The following USP4 variants were observed in gnomAD, a reference collection of about 807,000 sequenced individuals.
USP4 encodes the protein ubiquitin specific peptidase 4.
Under a neutral mutation model 118.2 loss-of-function variants are expected in USP4, and 72 were observed. That is an observed-to-expected ratio of 0.61 (90% CI 0.50 to 0.74). The LOEUF is 0.74. USP4 is among the 30% of genes least tolerant of loss of function. The probability of loss-of-function intolerance (pLI) is 0.00; values close to 1 mark genes in which losing one functional copy is unlikely to be tolerated. For synonymous variants in USP4, 415 were observed against 440.4 expected, an observed-to-expected ratio of 0.94 and a Z score of 0.72; for missense variants, 1,037 against 1,185.7, an observed-to-expected ratio of 0.87 and a Z score of 1.84.
intron 1 of USP4, among the ~76,000 whole-genome samples, chr3:49,339,605 C>T (rs1470879848): frequency 1.3e-5 from 2 of 152,210 alleles, no homozygotes; most frequent in Non-Finnish European, 2.9e-5. Flanking sequence ...CGCCCAAGGT[C>T]ACACGGCGAG....
chr3:49,331,427 C>A (rs2047616896), intron 2 of USP4, among the ~76,000 whole-genome samples: 1 of 151,668 alleles, frequency 6.6e-6, no homozygotes, highest in African/African-American at 2.4e-5. Context: ...TTGAGACCAG[C>A]CTGGCCAAAA....
intron 11 of USP4, among the ~76,000 whole-genome samples, 165 bp from the exon 12 acceptor site, chr3:49,298,800 A>C (rs954956757): frequency 5.9e-5 from 9 of 152,160 alleles, no homozygotes; most frequent in Non-Finnish European, 1.5e-5. Flanking sequence ...CAGGACCTCT[A>C]TGTCAGCATC....
rs751737921 is a variant in USP4, at chr3:49,280,852, GC to G, written c.2541-6del. 5.0e-6 allele frequency: 8 copies of G among 1,613,188 alleles called. No homozygotes were observed. The highest frequency in any genetic ancestry group is 6.8e-6 in the Non-Finnish European group (8 of 1,179,300). ...AACTCGGACATGTTCAGCCCTCTGA[GC>G]ACAAAACACAAAAATAGTTATTGAA... On this transcript the variant is annotated splice_region_variant and splice_polypyrimidine_tract_variant and intron_variant, in intron 19 of 21. Coordinates refer to ENST00000265560, the MANE Select transcript of USP4 (RefSeq NM_003363.4).
chr3:49,300,202 T>C (rs983779628), intron 11 of USP4, among the ~76,000 whole-genome samples: 1 of 151,160 alleles, frequency 6.6e-6, no homozygotes. Flanking sequence ...GCTGAGATCA[T>C]GCCACTTCAC....
In USP4 at chr3:49,298,540, AC is replaced by A. The variant is rs1215638145; in HGVS notation, c.1596+11del. The A allele has an allele frequency of 6.2e-7, 1 of 1,613,506 alleles. No homozygotes were observed. The highest frequency in any genetic ancestry group is 8.5e-7 in the Non-Finnish European group (1 of 1,179,744). ...CCAAATAGACCGAGTGCCACTGATC[AC>A]CCCGCCTTACATTTTCTGCAGCAAT... On this transcript the variant is annotated intron_variant, in intron 12 of 21. Coordinates refer to ENST00000265560, the MANE Select transcript of USP4 (RefSeq NM_003363.4).
At chr3:49,286,952 C>T (rs1008785768) in intron 15 of USP4, among the ~76,000 whole-genome samples, 4 of 152,082 alleles carry the variant, frequency 2.6e-5, no homozygotes, top group Non-Finnish European at 4.4e-5. Flanking sequence ...CAGGTTCAAG[C>T]GATTCTCCTA....
intron 15 of USP4, among the ~76,000 whole-genome samples, chr3:49,287,875 CAGGTACCATGCT>C (rs2047113597): frequency 6.6e-6 from 1 of 152,136 alleles, no homozygotes; most frequent in Non-Finnish European, 1.5e-5. Flanking sequence ...CTCTTAGGTG[CAGGTACCATGCT>C]AGGTTCCAGG....
intron 2 of USP4, among the ~76,000 whole-genome samples, chr3:49,331,481 A>G (rs1034259063): frequency 6.6e-6 from 1 of 151,686 alleles, no homozygotes; most frequent in African/African-American, 2.4e-5. Context: ...ATTAGCCAGA[A>G]CTGGTGGTGC....
intron 1 of USP4, among the ~76,000 whole-genome samples, chr3:49,339,019 A>C (rs900616847): frequency 2.0e-5 from 3 of 150,544 alleles, no homozygotes; most frequent in African/African-American, 7.3e-5. Context: ...TGGTGGCGTG[A>C]GCCTGTAATC....
intron 20 of USP4, 40 bp from the exon 21 acceptor site, chr3:49,278,942 A>C: frequency 1.4e-6 from 2 of 1,410,912 alleles, no homozygotes; most frequent in Non-Finnish European, 2.0e-6. Flanking sequence ...CGGTCTCCAG[A>C]GAATTAATCT....
chr3:49,328,408 G>A lies in USP4; in HGVS notation c.230-592C>T, dbSNP rs187782551. 1.5e-4 allele frequency among the ~76,000 whole-genome samples: 23 copies of A among 152,130 alleles called. No individual in the cohort carries two copies. In the East Asian group the frequency reaches 3.1e-3, roughly 20 times the overall value. On this transcript the variant is annotated intron_variant, in intron 2 of 21. Coordinates refer to ENST00000265560, the MANE Select transcript of USP4 (RefSeq NM_003363.4). ...GGTTATGGTTTCCCACCATCCCTCCGACTAGTTTACACACCTTTTTCAGGG... is the reference window on the plus strand; with the variant it reads ...GGTTATGGTTTCCCACCATCCCTCCAACTAGTTTACACACCTTTTTCAGGG...
chr3:49,305,929 C>T (rs752807601), intron 8 of USP4, 41 bp from the exon 9 acceptor site: 21 of 1,570,848 alleles, frequency 1.3e-5, no homozygotes, highest in South Asian at 3.6e-5. Context: ...ACCTTCTAGA[C>T]AGTACCAGAG....
rs1575597086 is a variant in USP4, at chr3:49,277,584, C to T, written c.*709G>A. ...GTTTTATGTACTGACTTCCTTTAAG[C>T]GTTATCTAATAAAAAGTGTGTTATC... On this transcript the variant is annotated 3_prime_UTR_variant, in exon 22 of 22. Transcript: ENST00000265560. 5.9e-6 allele frequency: 1 copy of T among 168,718 alleles called. No individual in the cohort carries two copies. Among genetic ancestry groups the T allele is most frequent in the South Asian group, 1.4e-4 (1 of 7,348 alleles). The allele number at this position is 168,718 out of a possible 1,614,324, so 10.5% of individuals were successfully genotyped here. A position where few individuals can be genotyped will look rare whatever the true frequency, so the allele number is the denominator to read the frequency against.
Position 49,283,294 on chromosome 3 carries a change from A to G in USP4, c.2540+693T>C, listed in dbSNP as rs147768100. On this transcript the variant is annotated intron_variant, in intron 19 of 21. Coordinates refer to ENST00000265560, the MANE Select transcript of USP4 (RefSeq NM_003363.4). ...CTCCCAAAGTGCTGGGATTACAAGC[A>G]TGAGCCACCGTGCCCAGCCTATTTT... Among the ~76,000 whole-genome samples the G allele has an allele frequency of 2.6e-3, 393 of 151,860 alleles. 2 individuals are homozygous for G. The highest frequency in any genetic ancestry group is 0.014 in the Middle Eastern group (4 of 292).
intron 8 of USP4, among the ~76,000 whole-genome samples, chr3:49,309,762 G>C (rs1225758129): frequency 6.6e-6 from 1 of 150,616 alleles, no homozygotes; most frequent in Non-Finnish European, 1.5e-5. Flanking sequence ...AAGAAGCTTG[G>C]ATTACAGGCG....
intron 2 of USP4, among the ~76,000 whole-genome samples, chr3:49,334,350 G>A (rs1324919040): frequency 6.6e-6 from 1 of 152,156 alleles, no homozygotes; most frequent in Non-Finnish European, 1.5e-5. Context: ...GCAACTTCGT[G>A]GCATAGTGCC....
In USP4 at chr3:49,277,816, A is replaced by G. The variant is rs181221502; in HGVS notation, c.*477T>C. The G allele has an allele frequency of 3.3e-4, 80 of 241,346 alleles. 1 individual carries two copies. The Middle Eastern group carries it at 3.6e-3, about 11-fold the overall frequency. The allele number at this position is 241,346 out of a possible 1,614,324, so 15.0% of individuals were successfully genotyped here. A position where few individuals can be genotyped will look rare whatever the true frequency, so the allele number is the denominator to read the frequency against. ...GTAACTTTCAGAAAATTATAAACCC[A>G]TATCAGTGCACATAGCGAGGGAAAG... On this transcript the variant is annotated 3_prime_UTR_variant, in exon 22 of 22. Coordinates refer to ENST00000265560, the MANE Select transcript of USP4 (RefSeq NM_003363.4).
At position 49,317,349 on chromosome 3, in the gene USP4, G is replaced by T. The variant is rs1559475826; in HGVS notation, c.696-5695C>A. 2.5e-6 allele frequency: 3 copies of T among 1,221,840 alleles called. 1 individual carries two copies. Among genetic ancestry groups the T allele is most frequent in the South Asian group, 2.6e-5 (2 of 77,690 alleles). The allele number at this position is 1,221,840 out of a possible 1,614,324, so 75.7% of individuals were successfully genotyped here. ...CCTCATTCTGCAGCCGCTGTTTCTT[G>T]TCCTCCTCCTGCTGGATCTGCCAGC... is the stretch of plus-strand genomic sequence containing the variant. On this transcript the variant is annotated intron_variant, in intron 6 of 21. Coordinates refer to ENST00000265560, the MANE Select transcript of USP4 (RefSeq NM_003363.4).
chr3:49,325,603 T>C (rs987551425), intron 4 of USP4, 116 bp downstream of exon 4: 58 of 1,459,316 alleles, frequency 4.0e-5, no homozygotes, highest in Non-Finnish European at 5.3e-5. Context: ...CAGCTCGAGA[T>C]GATTTGGGTA....
Sources: allele counts gnomAD v4.1 joint callset (sites outside exome capture counted in the v4.1 genomes callset), GRCh38; gene constraint gnomAD v4.1.1; transcripts MANE v1.5; gene names NCBI Gene and HGNC (gene_info 2026-07-23, HGNC 2026-07-21).